FAM114A1: variants seen among roughly 807,000 people sequenced by gnomAD.
FAM114A1 encodes the protein protein NOXP20.
FAM114A1 carries 62 observed loss-of-function variants against 64.3 expected under a neutral mutation model. The observed-to-expected ratio is 0.96, with a 90% CI of 0.79 to 1.19. The LOEUF is 1.19. FAM114A1 is among the 50% of genes most tolerant of loss of function. The pLI, the probability that FAM114A1 is intolerant of heterozygous loss-of-function variation, is 0.00. For synonymous variants in FAM114A1, 254 were observed against 251.1 expected (o/e 1.01, Z -0.11); for missense variants, 645 against 676.3 (o/e 0.95, Z 0.51).
In FAM114A1 at chr4:38,915,072, A is replaced by C. The variant is rs1326894670; in HGVS notation, c.944A>C (p.Lys315Thr). The C allele has an allele frequency of 6.2e-7, 1 of 1,614,040 alleles. No individual in the cohort carries two copies. Among genetic ancestry groups the C allele is most frequent in the African/African-American group, 1.3e-5 (1 of 74,924 alleles). Residue 315 changes from lysine to threonine, a missense_variant and splice_region_variant, in exon 8 of 15, where the codon AAG becomes ACG. By Grantham distance (78) the Lys-to-Thr change is moderately conservative. Coordinates refer to ENST00000358869, the MANE Select transcript of FAM114A1 (RefSeq NM_138389.4). ...LEILSNESES[K>T]VQSFLASLDG... Reference sequence around the variant, plus strand: ...ATTCTGTCCAATGAAAGCGAAAGCAAGGTACTTCTGCACTACTCGTTTGAA... The same window carrying C: ...ATTCTGTCCAATGAAAGCGAAAGCACGGTACTTCTGCACTACTCGTTTGAA...
At chr4:38,936,441 A>G (rs1016863115) in intron 13 of FAM114A1, among the ~76,000 whole-genome samples, 1 of 151,496 alleles carries the variant, frequency 6.6e-6, no homozygotes, top group Non-Finnish European at 1.5e-5. Flanking sequence ...TTATTACTTA[A>G]TATCTGTGAT....
chr4:38,872,407 T>C (rs542652897), intron 2 of FAM114A1, among the ~76,000 whole-genome samples: 2 of 152,336 alleles, frequency 1.3e-5, no homozygotes, highest in African/African-American at 4.8e-5. Context: ...TATTTACCCA[T>C]AAGTGTTTAT....
At chr4:38,901,535 G>A (rs919956435) in intron 4 of FAM114A1, among the ~76,000 whole-genome samples, 5 of 152,110 alleles carry the variant, frequency 3.3e-5, no homozygotes, top group Admixed American at 6.6e-5. Context: ...CAGGTGATCC[G>A]CCTACCTCGG....
intron 9 of FAM114A1, among the ~76,000 whole-genome samples, chr4:38,928,438 A>G (rs181230684): frequency 1.6e-4 from 24 of 152,344 alleles, no homozygotes; most frequent in African/African-American, 5.3e-4. Context: ...ATTGCCCACA[A>G]TGATCCTAAT....
rs576068094 is a variant in FAM114A1 at position 38,928,464 on chromosome 4, T to C, written c.1070-778T>C. 5.3e-5 allele frequency among the ~76,000 whole-genome samples: 8 copies of C among 152,346 alleles called. No individual in the cohort carries two copies. In the South Asian group the frequency reaches 1.7e-3, roughly 32 times the overall value. ...TGATCCTAATTTTTTTATTTTATGA[T>C]ATTTGATATTTTAATACGTATACTG... On this transcript the variant is annotated intron_variant, in intron 9 of 14. Transcript: ENST00000358869.
chr4:38,928,048 G>C, intron 9 of FAM114A1, among the ~76,000 whole-genome samples: 1 of 152,222 alleles, frequency 6.6e-6, no homozygotes, highest in Non-Finnish European at 1.5e-5. Context: ...GTAATAATAA[G>C]CGGATCTAAG....
intron 2 of FAM114A1, among the ~76,000 whole-genome samples, chr4:38,869,923 A>C (rs553031066): frequency 1.1e-4 from 17 of 152,330 alleles, no homozygotes; most frequent in African/African-American, 4.1e-4. Context: ...ATAAATTTAG[A>C]TTTATGAAAA....
intron 7 of FAM114A1, among the ~76,000 whole-genome samples, chr4:38,914,141 A>T (rs1718816592): frequency 6.6e-6 from 1 of 151,998 alleles, no homozygotes; most frequent in Non-Finnish European, 1.5e-5. Flanking sequence ...CTTAGAAAAA[A>T]TCAGGCCAGC....
intron 4 of FAM114A1, among the ~76,000 whole-genome samples, chr4:38,900,604 T>A (rs980754134): frequency 1.3e-5 from 2 of 152,216 alleles, no homozygotes; most frequent in Admixed American, 1.3e-4. Flanking sequence ...ACAACATGGA[T>A]GAACCTTGAG....
intron 3 of FAM114A1, among the ~76,000 whole-genome samples, chr4:38,882,560 C>T (rs1231401554): frequency 2.0e-5 from 3 of 151,978 alleles, no homozygotes; most frequent in African/African-American, 7.2e-5. Context: ...ACCCGGGAGG[C>T]GGAGGTTGCG....
chr4:38,872,481 T>A (rs1369069959), intron 2 of FAM114A1, among the ~76,000 whole-genome samples: 2 of 152,218 alleles, frequency 1.3e-5, no homozygotes, highest in African/African-American at 4.8e-5. Flanking sequence ...GACTTCCTAA[T>A]AATCCAGATT....
At chr4:38,937,683 G>C (rs947000951) in intron 13 of FAM114A1, among the ~76,000 whole-genome samples, 2 of 152,112 alleles carry the variant, frequency 1.3e-5, no homozygotes, top group African/African-American at 4.8e-5. Flanking sequence ...CTTTATGAAA[G>C]GCACTGGGGG....
chr4:38,926,483 C>A (rs1019710538), intron 9 of FAM114A1, among the ~76,000 whole-genome samples: 7 of 149,410 alleles, frequency 4.7e-5, no homozygotes, highest in African/African-American at 1.7e-4. Context: ...CAGATAGAGT[C>A]TCATTCTGTT....
intron 2 of FAM114A1, among the ~76,000 whole-genome samples, chr4:38,876,503 A>G (rs1714657434): frequency 6.6e-6 from 1 of 152,166 alleles, no homozygotes; most frequent in South Asian, 2.1e-4. Context: ...TGCTACAAAT[A>G]TAATTAATAA....
At chr4:38,912,355 C>A (rs1298813190) in intron 7 of FAM114A1, among the ~76,000 whole-genome samples, 1 of 152,014 alleles carries the variant, frequency 6.6e-6, no homozygotes, top group African/African-American at 2.4e-5. Context: ...ATCCCTCAGG[C>A]AGCTTTAATT....
At chr4:38,925,586 AT>A (rs1215404429) in intron 9 of FAM114A1, among the ~76,000 whole-genome samples, 1 of 152,194 alleles carries the variant, frequency 6.6e-6, no homozygotes, top group East Asian at 1.9e-4. Flanking sequence ...ATAAACTATC[AT>A]TTTTTAGATG....
intron 4 of FAM114A1, among the ~76,000 whole-genome samples, chr4:38,893,472 C>T (rs1481982835): frequency 6.6e-6 from 1 of 152,192 alleles, no homozygotes; most frequent in Non-Finnish European, 1.5e-5. Context: ...GGAGGACTTA[C>T]TCTTTCATTA....
intron 9 of FAM114A1, among the ~76,000 whole-genome samples, chr4:38,924,972 AAAGAAATATTGCATCCCC>A (rs1719975026): frequency 6.6e-6 from 1 of 152,252 alleles, no homozygotes; most frequent in South Asian, 2.1e-4. Context: ...CAATGCAACT[AAAGAAATATTGCATCCCC>A]AACTGGTGCT....
intron 2 of FAM114A1, among the ~76,000 whole-genome samples, chr4:38,873,078 A>C (rs983133068): frequency 5.9e-5 from 9 of 152,176 alleles, no homozygotes; most frequent in African/African-American, 2.2e-4. Context: ...CCTTCTCTAT[A>C]CAGTGGGTTT....
Sources: allele counts gnomAD v4.1 joint callset (sites outside exome capture counted in the v4.1 genomes callset), GRCh38; gene constraint gnomAD v4.1.1; transcripts MANE v1.5; gene names NCBI Gene and HGNC (gene_info 2026-07-23, HGNC 2026-07-21).